SV2C: variants seen among roughly 807,000 people sequenced by gnomAD.
The protein encoded by SV2C is synaptic vesicle glycoprotein 2C, also known as solute carrier family 22 member B3.
SV2C carries 49 observed loss-of-function variants against 79.7 expected under a neutral mutation model. That is an observed-to-expected ratio of 0.61 (90% CI 0.49 to 0.78). SV2C has a LOEUF of 0.78. Among genes scored for constraint, SV2C ranks in the 30% least tolerant of loss-of-function variants. SV2C has a pLI of 0.00. For missense variants in SV2C, 833 were observed against 912.9 expected, an observed-to-expected ratio of 0.91 and a Z score of 1.13; for synonymous variants, 334 against 333.2, an observed-to-expected ratio of 1.00 and a Z score of -0.03.
At chr5:75,932,407 G>C in the SV2C span, among the ~76,000 whole-genome samples, 382 of 152,210 alleles carry the variant, frequency 2.5e-3, 5 homozygotes, top group East Asian at 0.02. Flanking sequence ...GAACCCAGCA[G>C]TGCTAGAGGA....
rs1268711994 is a variant in SV2C at position 76,285,302 on chromosome 5, CT to C, written c.1047+9del. 2 of 1,613,406 alleles carry C rather than the reference CT, an allele frequency of 1.2e-6. No homozygotes were observed. Among genetic ancestry groups the C allele is most frequent in the Non-Finnish European group, 1.7e-6 (2 of 1,179,848 alleles). ...CCCACGATTCTTGTTGGAGGTAACA[CT>C]TATTATTGCAGATACTCAGGTAGCC... On this transcript the variant is annotated splice_region_variant and intron_variant, in intron 5 of 12. Transcript: ENST00000502798.
chr5:75,916,398 T>TTCC, the SV2C span, among the ~76,000 whole-genome samples: 14 of 115,772 alleles, frequency 1.2e-4, no homozygotes, highest in South Asian at 7.1e-4. Context: ...CCCCTTCCCC[T>TTCC]TCCTCCTCCT....
At chr5:75,874,694 A>C in the SV2C span, among the ~76,000 whole-genome samples, 3 of 152,160 alleles carry the variant, frequency 2.0e-5, no homozygotes, top group Non-Finnish European at 2.9e-5. Context: ...CCAGCTGATA[A>C]AAAATTTCAG....
At chr5:76,247,097 A>T (rs1166720839) in intron 4 of SV2C, among the ~76,000 whole-genome samples, 1 of 152,158 alleles carries the variant, frequency 6.6e-6, no homozygotes. Flanking sequence ...AAGATTAGAA[A>T]CTCAAAATCT....
intron 2 of SV2C, among the ~76,000 whole-genome samples, chr5:76,153,253 G>T (rs1313819342): frequency 6.6e-6 from 1 of 152,160 alleles, no homozygotes; most frequent in South Asian, 2.1e-4. Context: ...CTTGAGTTTG[G>T]AGGGAACTAA....
chr5:75,966,158 A>G, the SV2C span, among the ~76,000 whole-genome samples: 2 of 152,250 alleles, frequency 1.3e-5, no homozygotes, highest in African/African-American at 4.8e-5. Flanking sequence ...TCTAGTCTAT[A>G]AGTAACTGAA....
At chr5:75,996,046 A>G in the SV2C span, among the ~76,000 whole-genome samples, 44 of 152,288 alleles carry the variant, frequency 2.9e-4, no homozygotes, top group African/African-American at 1.0e-3. Flanking sequence ...CAGTTGGAAA[A>G]TAAGAGTAAA....
At chr5:75,883,044 A>G in the SV2C span, among the ~76,000 whole-genome samples, 1 of 146,730 alleles carries the variant, frequency 6.8e-6, no homozygotes, top group African/African-American at 2.6e-5. Flanking sequence ...ATGAACAGAC[A>G]CTTCTCAAAA....
intron 4 of SV2C, among the ~76,000 whole-genome samples, chr5:76,269,539 G>A (rs1746776556): frequency 6.6e-6 from 1 of 152,168 alleles, no homozygotes; most frequent in African/African-American, 2.4e-5. Flanking sequence ...CAAGGTATCT[G>A]CTGCGTACCT....
intron 2 of SV2C, among the ~76,000 whole-genome samples, chr5:76,151,873 C>A (rs1749617046): frequency 6.6e-6 from 1 of 152,092 alleles, no homozygotes. Context: ...AGGAAGCTGT[C>A]CAGGAAGGCG....
chr5:75,933,744 C>A, the SV2C span, among the ~76,000 whole-genome samples: 3 of 152,194 alleles, frequency 2.0e-5, no homozygotes, highest in African/African-American at 7.2e-5. Flanking sequence ...GTCTTAATTA[C>A]CCCTTTCTTC....
the SV2C span, among the ~76,000 whole-genome samples, chr5:75,860,870 G>C: frequency 1.3e-5 from 2 of 152,130 alleles, no homozygotes; most frequent in Non-Finnish European, 2.9e-5. Flanking sequence ...TGCTGGGATA[G>C]CTGGCTAGCC....
rs1748069674 is a variant in SV2C, at chr5:76,110,674, G to T, written c.-101-20976G>T. ...TCTGGGCACAGGAGCCAGCCTAGCA[G>T]CCCATGGGCACCAGCCTCACGGCAT... On this transcript the variant is annotated intron_variant, in intron 1 of 12. Coordinates refer to ENST00000502798, the MANE Select transcript of SV2C (RefSeq NM_014979.4). 2.6e-5 allele frequency among the ~76,000 whole-genome samples: 4 copies of T among 152,354 alleles called. No individual in the cohort carries two copies. In the South Asian group the frequency reaches 8.3e-4, roughly 32 times the overall value.
chr5:76,295,065 T>C (rs1018430790), intron 8 of SV2C, among the ~76,000 whole-genome samples: 6 of 152,156 alleles, frequency 3.9e-5, no homozygotes, highest in African/African-American at 1.4e-4. Flanking sequence ...GAGAAAGATA[T>C]TGGGGCCAGG....
At chr5:75,984,378 C>G in the SV2C span, among the ~76,000 whole-genome samples, 2 of 152,088 alleles carry the variant, frequency 1.3e-5, no homozygotes, top group African/African-American at 4.8e-5. Context: ...AGGCTAGGTG[C>G]TTTGCCTCAG....
chr5:75,953,876 C>T, the SV2C span, among the ~76,000 whole-genome samples: 2 of 151,890 alleles, frequency 1.3e-5, no homozygotes, highest in South Asian at 2.1e-4. Flanking sequence ...CTTCCTACTC[C>T]CCACTCCTAT....
chr5:76,214,013 G>A lies in SV2C; in HGVS notation c.913+4126G>A, dbSNP rs145732347. Among the ~76,000 whole-genome samples the A allele has an allele frequency of 3.8e-3, 575 of 152,136 alleles. 1 individual carries two copies. Among genetic ancestry groups the A allele is most frequent in the African/African-American group, 0.013 (557 of 41,500 alleles). Reference sequence around the variant, plus strand: ...ATTTCACTTAACATAATGCCTTCCAGGTTCATTCATGTTGTTACAAAGGGA... The same window carrying A: ...ATTTCACTTAACATAATGCCTTCCAAGTTCATTCATGTTGTTACAAAGGGA... On this transcript the variant is annotated intron_variant, in intron 4 of 12. Transcript: ENST00000502798.
At chr5:75,964,522 C>T in the SV2C span, among the ~76,000 whole-genome samples, 3 of 152,076 alleles carry the variant, frequency 2.0e-5, no homozygotes, top group African/African-American at 4.8e-5. Context: ...TCTCGGTAAG[C>T]TCCACTCCCT....
At chr5:75,933,480 C>G in the SV2C span, among the ~76,000 whole-genome samples, 1 of 152,162 alleles carries the variant, frequency 6.6e-6, no homozygotes, top group Non-Finnish European at 1.5e-5. Context: ...CTGAATTTCT[C>G]CCCTTCCTAA....
Sources: allele counts gnomAD v4.1 joint callset (sites outside exome capture counted in the v4.1 genomes callset), GRCh38; gene constraint gnomAD v4.1.1; transcripts MANE v1.5; gene names NCBI Gene and HGNC (gene_info 2026-07-23, HGNC 2026-07-21).